SLC23A2: variants seen among roughly 807,000 people sequenced by gnomAD.
SLC23A2 encodes the protein Na(+)/L-ascorbic acid transporter 2.
Under a neutral mutation model 73.3 loss-of-function variants are expected in SLC23A2, and 36 were observed. The observed-to-expected ratio is 0.49, with a 90% CI of 0.38 to 0.65. The LOEUF (loss-of-function observed/expected upper bound fraction) is 0.65, where lower values mean the gene tolerates loss of function less well. Ranked by LOEUF, SLC23A2 falls within the 30% of genes least tolerant of loss-of-function variation. SLC23A2 has a pLI of 0.00. For missense variants in SLC23A2, 507 were observed against 841.6 expected, an observed-to-expected ratio of 0.60 and a Z score of 4.92; for synonymous variants, 343 against 327.3, an observed-to-expected ratio of 1.05 and a Z score of -0.52.
At chr20:4,993,923 C>T (rs1324222195) in intron 1 of SLC23A2, among the ~76,000 whole-genome samples, 1 of 152,066 alleles carries the variant, frequency 6.6e-6, no homozygotes, top group African/African-American at 2.4e-5. Context: ...AACCCTGTCT[C>T]TACAAAAAAT....
intron 1 of SLC23A2, among the ~76,000 whole-genome samples, chr20:4,979,980 C>CA (rs148245134): frequency 0.15 from 22,804 of 150,914 alleles, 2,213 homozygotes; most frequent in Admixed American, 0.23. Flanking sequence ...GAAAAACTGG[C>CA]AAAAAAAACC....
chr20:4,923,216 G>C (rs537070711), intron 3 of SLC23A2, among the ~76,000 whole-genome samples: 1 of 144,482 alleles, frequency 6.9e-6, no homozygotes, highest in South Asian at 2.3e-4. Flanking sequence ...AGACCAGCCT[G>C]GGCAATGTAG....
Position 4,857,909 on chromosome 20 carries a change from C to T in SLC23A2, c.1721-705G>A, listed in dbSNP as rs1929795163. On this transcript the variant is annotated intron_variant, in intron 16 of 16. Transcript: ENST00000338244. The surrounding 1 kb of genome is among the most constrained non-coding windows in gnomAD (Gnocchi z 4.0). Reference sequence around the variant, plus strand: ...TCATGCCATTGCACTCTAGCCTGGGCAACAGAGCAAGACTCTGTCTTAAAA... The same window carrying T: ...TCATGCCATTGCACTCTAGCCTGGGTAACAGAGCAAGACTCTGTCTTAAAA... Among the ~76,000 whole-genome samples, 1 of 152,052 alleles carries T rather than the reference C, an allele frequency of 6.6e-6. No individual in the cohort carries two copies. Among genetic ancestry groups the T allele is most frequent in the South Asian group, 2.1e-4 (1 of 4,824 alleles).
Position 4,862,777 on chromosome 20 carries a change from C to T in SLC23A2, c.1486+1G>A. 1 of 1,610,138 alleles carries T rather than the reference C, an allele frequency of 6.2e-7. No individual in the cohort carries two copies. The highest frequency in any genetic ancestry group is 8.5e-7 in the Non-Finnish European group (1 of 1,177,040). ...GAAAAAGCCAGAGAGGGGAGTCTTA[C>T]CAAAGAGCGTGCAGAACAGGGCTCC... On this transcript the variant is annotated splice_donor_variant, in intron 14 of 16. Transcript: ENST00000338244. LOFTEE classifies it high-confidence loss of function. The surrounding 1 kb of genome is among the most constrained non-coding windows in gnomAD (Gnocchi z 5.1).
chr20:4,924,138 T>C (rs1481198613), intron 3 of SLC23A2, among the ~76,000 whole-genome samples: 1 of 152,120 alleles, frequency 6.6e-6, no homozygotes, highest in Non-Finnish European at 1.5e-5. Flanking sequence ...TCCTGCCTGC[T>C]AGGCACACCC....
intron 6 of SLC23A2, among the ~76,000 whole-genome samples, chr20:4,892,673 G>A (rs922443705): frequency 1.3e-5 from 2 of 152,080 alleles, no homozygotes; most frequent in Non-Finnish European, 2.9e-5. Flanking sequence ...AATCAACCAT[G>A]CCTCCAGCCC....
At chr20:4,966,714 G>A (rs1014217486) in intron 2 of SLC23A2, among the ~76,000 whole-genome samples, 3 of 151,488 alleles carry the variant, frequency 2.0e-5, no homozygotes, top group Non-Finnish European at 4.4e-5. Context: ...TCTAAAATAC[G>A]TGGATACCAG....
chr20:4,938,233 G>A (rs1435548582), intron 2 of SLC23A2, among the ~76,000 whole-genome samples: 3 of 151,832 alleles, frequency 2.0e-5, no homozygotes, highest in Admixed American at 6.6e-5. Flanking sequence ...TGCCCAGGGT[G>A]GTCTTGAGCT....
chr20:4,948,862 AC>A (rs1442706307), intron 2 of SLC23A2, among the ~76,000 whole-genome samples: 1 of 152,134 alleles, frequency 6.6e-6, no homozygotes, highest in Non-Finnish European at 1.5e-5. Context: ...TAACCCAAAG[AC>A]CTTAAAAGAA....
intron 6 of SLC23A2, among the ~76,000 whole-genome samples, chr20:4,889,012 C>T (rs1931211644): frequency 6.6e-6 from 1 of 152,174 alleles, no homozygotes; most frequent in Admixed American, 6.5e-5. Context: ...CATTTTGTCA[C>T]CTGATAAATG....
Position 4,883,266 on chromosome 20 carries a change from C to A in SLC23A2, c.824+376G>T, listed in dbSNP as rs1930964938. Among the ~76,000 whole-genome samples the A allele has an allele frequency of 6.6e-6, 1 of 152,106 alleles. No individual in the cohort carries two copies. Among genetic ancestry groups the A allele is most frequent in the Admixed American group, 6.5e-5 (1 of 15,272 alleles). ...TCTCTGGAAATACTCCAGATTCCTG[C>A]CACTCTGGAATATTTTTGAGTCTCA... On this transcript the variant is annotated intron_variant, in intron 9 of 16. Coordinates refer to ENST00000338244, the MANE Select transcript of SLC23A2 (RefSeq NM_005116.6). The surrounding 1 kb of genome is among the most constrained non-coding windows in gnomAD (Gnocchi z 4.5).
intron 2 of SLC23A2, among the ~76,000 whole-genome samples, chr20:4,967,103 C>G (rs1000546112): frequency 2.0e-5 from 3 of 146,860 alleles, no homozygotes; most frequent in Non-Finnish European, 4.5e-5. Context: ...TTGAGGGAAG[C>G]CCAGAACCAG....
At chr20:4,921,731 T>G (rs558755311) in intron 3 of SLC23A2, among the ~76,000 whole-genome samples, 1 of 152,220 alleles carries the variant, frequency 6.6e-6, no homozygotes, top group Non-Finnish European at 1.5e-5. Flanking sequence ...ATTTTACCAT[T>G]CTGCATTTTC....
At position 4,932,701 on chromosome 20, in the gene SLC23A2, C is replaced by T. The variant is rs954296449; in HGVS notation, c.-139G>A. 2.7e-5 allele frequency: 17 copies of T among 622,778 alleles called. No individual in the cohort carries two copies. The highest frequency in any genetic ancestry group is 1.5e-4 in the African/African-American group (8 of 54,194). The allele number at this position is 622,778 out of a possible 1,614,324, so 38.6% of individuals were successfully genotyped here. On this transcript the variant is annotated 5_prime_UTR_variant, in exon 3 of 17. Coordinates refer to ENST00000338244, the MANE Select transcript of SLC23A2 (RefSeq NM_005116.6). ...CTCAAGCAGAGATGAGGCCTGCAAA[C>T]GGCATCTCTTAGCACCTAGAAAAGA...
intron 9 of SLC23A2, among the ~76,000 whole-genome samples, chr20:4,881,492 G>A (rs545097536): frequency 8.5e-5 from 13 of 152,246 alleles, no homozygotes; most frequent in Non-Finnish European, 1.3e-4. Flanking sequence ...TTGGGGGGAG[G>A]TAACAGTTTT....
At chr20:5,006,872 A>T (rs945727017) in intron 1 of SLC23A2, among the ~76,000 whole-genome samples, 1 of 151,768 alleles carries the variant, frequency 6.6e-6, no homozygotes, top group African/African-American at 2.4e-5. Flanking sequence ...CAGAATTCAC[A>T]CTTTCTACAT....
intron 3 of SLC23A2, among the ~76,000 whole-genome samples, chr20:4,914,578 C>T (rs539048936): frequency 2.0e-5 from 3 of 151,992 alleles, no homozygotes; most frequent in Admixed American, 1.3e-4. Context: ...AGCAATTATA[C>T]TCATAGAAGC....
chr20:4,980,804 T>C (rs1188144803), intron 1 of SLC23A2, among the ~76,000 whole-genome samples: 1 of 152,134 alleles, frequency 6.6e-6, no homozygotes, highest in Admixed American at 6.6e-5. Flanking sequence ...GGCTGGGTGA[T>C]TACCGGTGTG....
Position 4,978,263 on chromosome 20 carries a change from C to G in SLC23A2, c.-281-7344G>C, listed in dbSNP as rs538929782. ...TCAAGCTCAGTTAACACAAATGGTT[C>G]TATTTTTCCCTTCATAAACTGTGCC... On this transcript the variant is annotated intron_variant, in intron 1 of 16. Transcript: ENST00000338244. Among the ~76,000 whole-genome samples, 11 of 152,284 alleles carry G rather than the reference C, an allele frequency of 7.2e-5. 1 individual carries two copies. The South Asian group carries it at 2.3e-3, about 32-fold the overall frequency.
Sources: gnomAD v4.1 joint callset for allele counts (sites outside exome capture counted in the v4.1 genomes callset) on GRCh38, gnomAD v4.1.1 for gene constraint, Gnocchi (gnomAD v3.1) non-coding constraint, MANE v1.5 for transcripts, NCBI Gene and HGNC (gene_info 2026-07-23, HGNC 2026-07-21) for gene names.